MYOM2: variants seen among roughly 807,000 people sequenced by gnomAD.
MYOM2 encodes the protein myomesin 2.
MYOM2 carries 254 observed loss-of-function variants against 187.6 expected under a neutral mutation model. The ratio of observed to expected loss-of-function variants is 1.35; its 90% confidence interval spans 1.22 to 1.50. The LOEUF (loss-of-function observed/expected upper bound fraction) is 1.50, where lower values mean the gene tolerates loss of function less well. MYOM2 is among the 40% of genes most tolerant of loss of function. MYOM2 has a pLI of 0.00. For missense variants in MYOM2, 2,796 were observed against 1,924.0 expected, an observed-to-expected ratio of 1.45 and a Z score of -8.48; for synonymous variants, 981 against 753.8, an observed-to-expected ratio of 1.30 and a Z score of -4.94.
intron 3 of MYOM2, among the ~76,000 whole-genome samples, chr8:2,053,241 G>A (rs948225427): frequency 3.3e-5 from 5 of 152,162 alleles, no homozygotes; most frequent in African/African-American, 9.7e-5. Context: ...GTTAACGAAG[G>A]TTAACATTTA....
At chr8:2,108,452 A>G (rs979741923) in intron 23 of MYOM2, among the ~76,000 whole-genome samples, 1 of 152,156 alleles carries the variant, frequency 6.6e-6, no homozygotes, top group Non-Finnish European at 1.5e-5. Context: ...AAGAGCTCAC[A>G]TTAAGTGCAA....
chr8:2,077,239 G>A (rs963096910), intron 11 of MYOM2, among the ~76,000 whole-genome samples: 20 of 152,102 alleles, frequency 1.3e-4, no homozygotes, highest in Admixed American at 4.6e-4. Context: ...GAACCAGGGA[G>A]GCGGTGGTTG....
rs1333614956 is a variant in MYOM2, at chr8:2,050,799, G to C, written c.33G>C (p.Lys11Asn). Residue 11 changes from lysine to asparagine, a missense_variant, in exon 2 of 37, where the codon AAG (lysine) becomes AAC (asparagine). By Grantham distance (94) the Lys-to-Asn change is moderately conservative. Transcript: ENST00000262113. Reference sequence around the variant, plus strand: ...TTGTGACTGTCCCCTTCTACCAGAAGAGACATAGGCACTTCGACCAGTCCT... The same window carrying C: ...TTGTGACTGTCCCCTTCTACCAGAACAGACATAGGCACTTCGACCAGTCCT... MSLVTVPFYQ[K>N]RHRHFDQSYR... 1 of 1,613,198 alleles carries C rather than the reference G, an allele frequency of 6.2e-7. No homozygotes were observed.
intron 12 of MYOM2, 113 bp from the exon 13 acceptor site, chr8:2,079,445 TCA>T: frequency 1.0e-6 from 1 of 983,326 alleles, no homozygotes; most frequent in Non-Finnish European, 1.6e-6. Flanking sequence ...CCCAGAGGAC[TCA>T]CAGGTTGTAG....
chr8:2,052,425 A>G, intron 3 of MYOM2, 112 bp downstream of exon 3: 4 of 1,188,102 alleles, frequency 3.4e-6, no homozygotes, highest in Non-Finnish European at 2.3e-6. Flanking sequence ...ATCAAGGAAC[A>G]CAGGCCATGC....
chr8:2,132,940 A>C (rs61215032), intron 32 of MYOM2, among the ~76,000 whole-genome samples: 117,555 of 151,964 alleles, frequency 0.77, 46,042 homozygotes, highest in African/African-American at 0.9. Flanking sequence ...TGGGAGGGGC[A>C]GTGGCTGGCC....
intron 8 of MYOM2, among the ~76,000 whole-genome samples, chr8:2,071,442 A>G (rs1041976791): frequency 3.3e-5 from 5 of 152,102 alleles, no homozygotes; most frequent in Admixed American, 3.3e-4. Context: ...AACCAGGCTG[A>G]CGCTTCTGGA....
In MYOM2 at chr8:2,115,175, C is replaced by A. The variant is rs13272945; in HGVS notation, c.3181-785C>A. Among the ~76,000 whole-genome samples the A allele has an allele frequency of 9.6e-3, 1,310 of 136,954 alleles. 17 individuals are homozygous for A. The highest frequency in any genetic ancestry group is 0.034 in the African/African-American group (1,254 of 36,920). The allele number at this position is 136,954 out of a possible 152,430, so 89.8% of individuals were successfully genotyped here. ...AATAAGGCAACCAGCAAAAAAAAAACAAAAAACAAACAAACAAAACATAAA... is the reference window on the plus strand; with the variant it reads ...AATAAGGCAACCAGCAAAAAAAAAAAAAAAAACAAACAAACAAAACATAAA... On this transcript the variant is annotated intron_variant, in intron 25 of 36. Transcript: ENST00000262113.
At chr8:2,132,678 C>A (rs1384429664) in intron 32 of MYOM2, among the ~76,000 whole-genome samples, 1 of 152,148 alleles carries the variant, frequency 6.6e-6, no homozygotes, top group African/African-American at 2.4e-5. Flanking sequence ...CCCTGATCTC[C>A]TGGGATCAAG....
intron 29 of MYOM2, 62 bp from the exon 30 acceptor site, chr8:2,123,493 A>G (rs1478081636): frequency 2.0e-6 from 3 of 1,508,914 alleles, no homozygotes; most frequent in South Asian, 1.1e-5. Flanking sequence ...ATTAGAGTTT[A>G]TTACGTTTTC....
intron 32 of MYOM2, among the ~76,000 whole-genome samples, chr8:2,140,052 A>C (rs1399744504): frequency 2.0e-5 from 3 of 152,058 alleles, no homozygotes; most frequent in Non-Finnish European, 4.4e-5. Flanking sequence ...CTCTGTTCCC[A>C]TTAAACCCTC....
intron 31 of MYOM2, 51 bp from the exon 32 acceptor site, chr8:2,129,076 A>G: frequency 7.4e-7 from 1 of 1,359,756 alleles, no homozygotes; most frequent in African/African-American, 1.4e-5. Flanking sequence ...TTCTGTGATC[A>G]CACAGCAGGC....
At chr8:2,103,547 AT>A (rs1357202902) in intron 21 of MYOM2, among the ~76,000 whole-genome samples, 2 of 150,908 alleles carry the variant, frequency 1.3e-5, no homozygotes, top group Non-Finnish European at 2.9e-5. Context: ...GTATGTATGG[AT>A]GGGTGTATGG....
chr8:2,066,486 T>C (rs950947134), intron 6 of MYOM2, among the ~76,000 whole-genome samples: 1 of 152,172 alleles, frequency 6.6e-6, no homozygotes, highest in Non-Finnish European at 1.5e-5. Flanking sequence ...TTAGGATGAA[T>C]CCCAAAAGAA....
intron 5 of MYOM2, 133 bp from the exon 6 acceptor site, chr8:2,059,020 T>C: frequency 1.4e-6 from 1 of 696,030 alleles, no homozygotes; most frequent in South Asian, 1.8e-5. Context: ...GTCAGGGCTC[T>C]GTCCTCCTCC....
chr8:2,079,784 G>A (rs1057398251), intron 13 of MYOM2, among the ~76,000 whole-genome samples, 171 bp downstream of exon 13: 1 of 152,090 alleles, frequency 6.6e-6, no homozygotes, highest in Non-Finnish European at 1.5e-5. Context: ...TTAAAAAAAA[G>A]AAAAAATCAA....
intron 10 of MYOM2, among the ~76,000 whole-genome samples, chr8:2,074,677 A>G (rs1006808626): frequency 2.6e-5 from 4 of 151,920 alleles, no homozygotes; most frequent in Non-Finnish European, 2.9e-5. Context: ...CTGGTCTCGA[A>G]CTCTTGATCA....
chr8:2,045,422 C>T (rs955310411), intron 1 of MYOM2, among the ~76,000 whole-genome samples: 13 of 152,202 alleles, frequency 8.5e-5, no homozygotes, highest in African/African-American at 2.9e-4. Context: ...CCGTTTAGCA[C>T]CCTGCGGCGT....
chr8:2,099,122 C>T (rs3817704), intron 19 of MYOM2, 139 bp downstream of exon 19: 484,742 of 1,178,642 alleles, frequency 0.41, 103,107 homozygotes, highest in East Asian at 0.52. Context: ...AGCCACCGTG[C>T]GCCAGGCGCC....
Sources: allele counts gnomAD v4.1 joint callset (sites outside exome capture counted in the v4.1 genomes callset), GRCh38; gene constraint gnomAD v4.1.1; transcripts MANE v1.5; gene names NCBI Gene and HGNC (gene_info 2026-07-23, HGNC 2026-07-21).